The following GRID2 variants were observed in gnomAD, a reference collection of about 807,000 sequenced individuals.
GRID2 encodes glutamate receptor ionotropic, delta-2.
In GRID2, 33 loss-of-function variants were observed where a neutral mutation model predicts 114.8. That is an observed-to-expected ratio of 0.29 (90% confidence interval 0.22 to 0.38). The LOEUF (loss-of-function observed/expected upper bound fraction) is 0.38, where lower values mean the gene tolerates loss of function less well. Among genes scored for constraint, GRID2 ranks in the 10% least tolerant of loss-of-function variants. The probability of loss-of-function intolerance (pLI) is 1.00; values close to 1 mark genes in which losing one functional copy is unlikely to be tolerated. For missense variants in GRID2, 1,184 were observed against 1,257.7 expected (o/e 0.94, Z 0.89); for synonymous variants, 505 against 449.9 (o/e 1.12, Z -1.55).
intron 8 of GRID2, among the ~76,000 whole-genome samples, chr4:93,264,163 C>T (rs1052896441): frequency 6.6e-5 from 10 of 152,152 alleles, no homozygotes; most frequent in Admixed American, 6.6e-4. Context: ...TACTCATTGA[C>T]ACGTGCAAAG....
intron 2 of GRID2, among the ~76,000 whole-genome samples, chr4:92,643,035 C>T (rs1301808162): frequency 6.6e-6 from 1 of 151,706 alleles, no homozygotes; most frequent in Non-Finnish European, 1.5e-5. Context: ...TAATGTGATG[C>T]ATCTAGCTTT....
chr4:92,541,980 T>A (rs1432805914), intron 1 of GRID2, among the ~76,000 whole-genome samples: 1 of 152,118 alleles, frequency 6.6e-6, no homozygotes, highest in Non-Finnish European at 1.5e-5. Context: ...CTGAGTGAAG[T>A]GTGTTTGTGT....
At chr4:92,404,095 TG>T (rs1427044966) in intron 1 of GRID2, among the ~76,000 whole-genome samples, 1 of 152,126 alleles carries the variant, frequency 6.6e-6, no homozygotes, top group Non-Finnish European at 1.5e-5. Flanking sequence ...GTTGGAAAAA[TG>T]GCATCGATAG....
rs1739525715 is a variant in GRID2 at position 92,790,391 on chromosome 4, C to T, written c.244+200105C>T. 4.0e-5 allele frequency among the ~76,000 whole-genome samples: 6 copies of T among 151,726 alleles called. No homozygotes were observed. In the South Asian group the frequency reaches 1.2e-3, roughly 32 times the overall value. On this transcript the variant is annotated intron_variant, in intron 2 of 15. Coordinates refer to ENST00000282020, the MANE Select transcript of GRID2 (RefSeq NM_001510.4). ...CATTGTTAATATACTTATGTTCCTT[C>T]AACATTAGAAAAAAATGTGTCTTTA...
At chr4:92,630,930 A>G (rs1266389753) in intron 2 of GRID2, among the ~76,000 whole-genome samples, 1 of 151,998 alleles carries the variant, frequency 6.6e-6, no homozygotes, top group Admixed American at 6.6e-5. Flanking sequence ...AATAAATAAC[A>G]AAGCTTCTGT....
intron 2 of GRID2, among the ~76,000 whole-genome samples, chr4:93,004,472 C>T (rs905057340): frequency 6.6e-6 from 1 of 152,024 alleles, no homozygotes; most frequent in Non-Finnish European, 1.5e-5. Context: ...TAAAGCCTTG[C>T]TGCCATTTGT....
At chr4:93,719,356 T>C (rs1367158886) in intron 14 of GRID2, among the ~76,000 whole-genome samples, 1 of 152,050 alleles carries the variant, frequency 6.6e-6, no homozygotes, top group Non-Finnish European at 1.5e-5. Context: ...AATCTTGGGT[T>C]AGAATAAAAC....
Position 92,800,783 on chromosome 4 carries a change from C to T in GRID2, c.244+210497C>T, listed in dbSNP as rs928142489. On this transcript the variant is annotated intron_variant, in intron 2 of 15. Coordinates refer to ENST00000282020, the MANE Select transcript of GRID2 (RefSeq NM_001510.4). ...CAGGACTCAAGACATTATGCCTAGGCCACTCTTGGACAGATTTAGACCCAA... is the reference window on the plus strand; with the variant it reads ...CAGGACTCAAGACATTATGCCTAGGTCACTCTTGGACAGATTTAGACCCAA... Among the ~76,000 whole-genome samples, 3 of 151,916 alleles carry T rather than the reference C, an allele frequency of 2.0e-5. No individual in the cohort carries two copies. The South Asian group carries it at 6.2e-4, about 32-fold the overall frequency.
chr4:92,683,022 A>G (rs532784760), intron 2 of GRID2, among the ~76,000 whole-genome samples: 25 of 152,220 alleles, frequency 1.6e-4, no homozygotes, highest in East Asian at 7.7e-4. Flanking sequence ...TTAATAGGCT[A>G]GGTGCGGTGG....
intron 13 of GRID2, among the ~76,000 whole-genome samples, chr4:93,538,837 C>A (rs1732367791): frequency 6.6e-6 from 1 of 151,034 alleles, no homozygotes; most frequent in African/African-American, 2.4e-5. Context: ...CAAGACATAA[C>A]AACTAAATGT....
At chr4:92,650,092 A>T (rs1370185831) in intron 2 of GRID2, among the ~76,000 whole-genome samples, 1 of 152,034 alleles carries the variant, frequency 6.6e-6, no homozygotes, top group South Asian at 2.1e-4. Context: ...GTCAATATCT[A>T]TTACATTTCA....
At chr4:92,684,504 C>A (rs1043684005) in intron 2 of GRID2, among the ~76,000 whole-genome samples, 1 of 151,924 alleles carries the variant, frequency 6.6e-6, no homozygotes, top group Non-Finnish European at 1.5e-5. Flanking sequence ...TCTTTCCTAA[C>A]AAGAACATCA....
chr4:92,510,738 A>G (rs1022969307), intron 1 of GRID2, among the ~76,000 whole-genome samples: 2 of 151,744 alleles, frequency 1.3e-5, no homozygotes, highest in African/African-American at 4.8e-5. Flanking sequence ...CTACAAATAA[A>G]TGATAAATTC....
At chr4:93,467,505 G>C (rs767192952) in intron 11 of GRID2, among the ~76,000 whole-genome samples, 65 of 152,212 alleles carry the variant, frequency 4.3e-4, no homozygotes, top group Non-Finnish European at 4.0e-4. Context: ...ATTGTTGATG[G>C]CATTCTCTTC....
chr4:93,359,747 C>A (rs1761702968), intron 8 of GRID2, among the ~76,000 whole-genome samples: 1 of 122,148 alleles, frequency 8.2e-6, no homozygotes, highest in South Asian at 2.8e-4. Context: ...GCAAATGAAA[C>A]AGTAGCTCCA....
At chr4:92,506,575 T>C (rs532663956) in intron 1 of GRID2, among the ~76,000 whole-genome samples, 2 of 151,876 alleles carry the variant, frequency 1.3e-5, no homozygotes, top group Non-Finnish European at 1.5e-5. Flanking sequence ...TTGTTGAATG[T>C]CTGAGCACAT....
intron 2 of GRID2, among the ~76,000 whole-genome samples, chr4:92,847,437 T>C (rs774361909): frequency 9.9e-5 from 15 of 152,234 alleles, no homozygotes; most frequent in Non-Finnish European, 2.2e-4. Flanking sequence ...TATATCTCGC[T>C]GGCCTCTCTA....
At chr4:93,310,764 A>C (rs549154628) in intron 8 of GRID2, among the ~76,000 whole-genome samples, 2 of 152,290 alleles carry the variant, frequency 1.3e-5, no homozygotes, top group South Asian at 4.1e-4. Flanking sequence ...GATTTTATTA[A>C]ATTTTGGGGT....
At chr4:92,349,727 T>G (rs953605452) in intron 1 of GRID2, among the ~76,000 whole-genome samples, 3 of 151,758 alleles carry the variant, frequency 2.0e-5, no homozygotes, top group Non-Finnish European at 3.0e-5. Flanking sequence ...TGTATTCCTA[T>G]AAAAATACAA....
Sources: allele counts gnomAD v4.1 joint callset (sites outside exome capture counted in the v4.1 genomes callset), GRCh38; gene constraint gnomAD v4.1.1; transcripts MANE v1.5; gene names NCBI Gene and HGNC (gene_info 2026-07-23, HGNC 2026-07-21).